DAPK2: variants seen among roughly 807,000 people sequenced by gnomAD.
DAPK2 encodes death-associated protein kinase 2.
In DAPK2, 35 loss-of-function variants were observed where a neutral mutation model predicts 44.1. That is an observed-to-expected ratio of 0.79 (90% CI 0.61 to 1.05). DAPK2 has a LOEUF of 1.05. DAPK2 is among the 50% of genes least tolerant of loss of function. The probability of loss-of-function intolerance (pLI) is 0.00; values close to 1 mark genes in which losing one functional copy is unlikely to be tolerated. For synonymous variants in DAPK2, 174 were observed against 182.6 expected, an observed-to-expected ratio of 0.95 and a Z score of 0.38; for missense variants, 453 against 483.2, an observed-to-expected ratio of 0.94 and a Z score of 0.59.
intron 1 of DAPK2, among the ~76,000 whole-genome samples, chr15:63,986,551 G>A (rs1334217549): frequency 3.3e-5 from 5 of 152,064 alleles, no homozygotes; most frequent in East Asian, 1.9e-4. Flanking sequence ...TCAGCCTCCC[G>A]AGTAGCTGGG....
intron 6 of DAPK2, 66 bp downstream of exon 7, chr15:63,929,485 T>C: frequency 6.2e-7 from 1 of 1,600,384 alleles, no homozygotes; most frequent in Admixed American, 1.7e-5. Context: ...AGCCTGCCCC[T>C]CTCTCATTCC....
At chr15:63,956,125 C>T (rs544342211) in intron 3 of DAPK2, among the ~76,000 whole-genome samples, 19 of 152,084 alleles carry the variant, frequency 1.2e-4, no homozygotes, top group African/African-American at 1.9e-4. Context: ...TTTGAGTTTC[C>T]GCAGTATCAG....
At chr15:63,933,783 G>C (rs1367200278) in intron 4 of DAPK2, among the ~76,000 whole-genome samples, 1 of 151,248 alleles carries the variant, frequency 6.6e-6, no homozygotes, top group Non-Finnish European at 1.5e-5. Context: ...TTTTTTTGTA[G>C]AGATGAGGTC....
chr15:64,029,436 C>T (rs117746093), intron 1 of DAPK2, among the ~76,000 whole-genome samples: 21 of 152,286 alleles, frequency 1.4e-4, no homozygotes, highest in Non-Finnish European at 2.4e-4. Context: ...GCTCCTTGGT[C>T]GTGGCAGAGC....
intron 3 of DAPK2, among the ~76,000 whole-genome samples, chr15:63,958,358 T>G (rs1213685198): frequency 6.6e-6 from 1 of 152,250 alleles, no homozygotes; most frequent in African/African-American, 2.4e-5. Context: ...TTTAATTTAA[T>G]TAGCTCCCAT....
intron 3 of DAPK2, among the ~76,000 whole-genome samples, chr15:63,960,246 T>C (rs569148387): frequency 5.9e-5 from 9 of 152,228 alleles, no homozygotes; most frequent in Non-Finnish European, 1.2e-4. Context: ...CTTCTCTCTT[T>C]TCTTATTAGC....
intron 3 of DAPK2, among the ~76,000 whole-genome samples, chr15:63,958,880 A>G (rs1302891891): frequency 2.0e-5 from 3 of 152,130 alleles, no homozygotes; most frequent in South Asian, 2.1e-4. Flanking sequence ...GTTTTTTCCA[A>G]TTCTGTGAAG....
Position 63,912,270 on chromosome 15 carries a change from C to G in DAPK2, c.859-73G>C. 6.8e-7 allele frequency: 1 copy of G among 1,472,386 alleles called. No homozygotes were observed. The highest frequency in any genetic ancestry group is 9.4e-7 in the Non-Finnish European group (1 of 1,065,170). 91.2% of individuals were successfully genotyped at this position (1,472,386 alleles called of 1,614,324 possible). On this transcript the variant is annotated intron_variant, in intron 8 of 10. Transcript: ENST00000261891. This position sits in a 1 kb window ranked among gnomAD's most constrained non-coding sequence, Gnocchi z 4.4. Reference sequence around the variant, plus strand: ...CAGCCACCCTCCTCGCCGCAGAACTCCCCACCCACCGCATGCCCACCGCCC... The same window carrying G: ...CAGCCACCCTCCTCGCCGCAGAACTGCCCACCCACCGCATGCCCACCGCCC...
chr15:63,922,608 G>C (rs2079106673), intron 8 of DAPK2: 1 of 1,422,568 alleles, frequency 7.0e-7, no homozygotes, highest in African/African-American at 1.4e-5. Context: ...ATTCTGTGGA[G>C]GGGCTGGAAG....
At chr15:63,909,955 C>T (rs1255976663) in intron 10 of DAPK2, among the ~76,000 whole-genome samples, 1 of 152,222 alleles carries the variant, frequency 6.6e-6, no homozygotes, top group Non-Finnish European at 1.5e-5. Flanking sequence ...TTCCTCCAGC[C>T]TGAGCCAGCT....
chr15:64,004,238 A>G (rs1234758633), intron 1 of DAPK2, among the ~76,000 whole-genome samples: 1 of 152,154 alleles, frequency 6.6e-6, no homozygotes, highest in Non-Finnish European at 1.5e-5. Context: ...TATTGTTTAC[A>G]TGTTCCTCTG....
At chr15:64,010,599 C>G (rs936785740) in intron 1 of DAPK2, among the ~76,000 whole-genome samples, 1 of 152,334 alleles carries the variant, frequency 6.6e-6, no homozygotes, top group East Asian at 1.9e-4. Flanking sequence ...AAAGTCCCCA[C>G]CCGCCTGCCT....
chr15:63,963,246 T>C (rs1279801528), intron 3 of DAPK2, among the ~76,000 whole-genome samples: 1 of 152,124 alleles, frequency 6.6e-6, no homozygotes, highest in African/African-American at 2.4e-5. Context: ...AGGTACCATC[T>C]GTCACGGCTT....
intron 4 of DAPK2, among the ~76,000 whole-genome samples, chr15:63,938,085 A>T (rs2077211708): frequency 6.6e-6 from 1 of 152,234 alleles, no homozygotes; most frequent in African/African-American, 2.4e-5. Flanking sequence ...CTGGACCAGA[A>T]AATCTAAAAA....
intron 3 of DAPK2, among the ~76,000 whole-genome samples, chr15:63,942,533 C>G (rs2077337042): frequency 6.6e-6 from 1 of 151,456 alleles, no homozygotes; most frequent in South Asian, 2.1e-4. Flanking sequence ...GCCTGGGCGA[C>G]AAAGTGAGAC....
rs1185881111 is a variant in DAPK2 at position 64,020,033 on chromosome 15, A to G, written c.92+20137T>C. On this transcript the variant is annotated intron_variant, in intron 1 of 10. Transcript: ENST00000261891. The surrounding 1 kb of genome is among the most constrained non-coding windows in gnomAD (Gnocchi z 4.5). ...CACTGTGTCTAATCTCAGCAGAAGC[A>G]GTCTCAGTGGCACCCGCAGGCTTTA... is the stretch of plus-strand genomic sequence containing the variant. Among the ~76,000 whole-genome samples the G allele has an allele frequency of 6.6e-6, 1 of 152,218 alleles. No individual in the cohort carries two copies. Among genetic ancestry groups the G allele is most frequent in the Admixed American group, 6.5e-5 (1 of 15,284 alleles).
Position 63,989,482 on chromosome 15 carries a change from G to A in DAPK2, c.93-5728C>T, listed in dbSNP as rs115778985. Among the ~76,000 whole-genome samples the A allele has an allele frequency of 2.7e-3, 411 of 152,294 alleles. 2 individuals are homozygous for A. Among genetic ancestry groups the A allele is most frequent in the African/African-American group, 9.5e-3 (396 of 41,556 alleles). ...GACACAGATCCACGTCACTGACTCC[G>A]GCTACAATGAGGCTCTCGAGGTAAC... On this transcript the variant is annotated intron_variant, in intron 1 of 10. Transcript: ENST00000261891.
At chr15:64,030,246 C>T (rs1328087206) in intron 1 of DAPK2, among the ~76,000 whole-genome samples, 1 of 152,090 alleles carries the variant, frequency 6.6e-6, no homozygotes, top group Non-Finnish European at 1.5e-5. Flanking sequence ...CGAGATGACG[C>T]CACTGCACTC....
chr15:64,008,411 T>C (rs781128115), intron 1 of DAPK2, among the ~76,000 whole-genome samples: 1 of 152,192 alleles, frequency 6.6e-6, no homozygotes, highest in Non-Finnish European at 1.5e-5. Flanking sequence ...CAGAGCCAAT[T>C]TGCCACAGAT....
Sources: gnomAD v4.1 joint callset for allele counts (sites outside exome capture counted in the v4.1 genomes callset) on GRCh38, gnomAD v4.1.1 for gene constraint, Gnocchi (gnomAD v3.1) non-coding constraint, MANE v1.5 for transcripts, NCBI Gene and HGNC (gene_info 2026-07-23, HGNC 2026-07-21) for gene names.